IBTK: variants seen among roughly 807,000 people sequenced by gnomAD.
The protein encoded by IBTK is BTK-binding protein.
Under a neutral mutation model 154.9 loss-of-function variants are expected in IBTK, and 83 were observed. The ratio of observed to expected loss-of-function variants is 0.54; its 90% CI spans 0.45 to 0.64. The LOEUF (loss-of-function observed/expected upper bound fraction) is 0.64, where lower values mean the gene tolerates loss of function less well. Among genes scored for constraint, IBTK ranks in the 30% least tolerant of loss-of-function variants. IBTK has a pLI of 0.00. For synonymous variants in IBTK, 515 were observed against 536.1 expected, an observed-to-expected ratio of 0.96 and a Z score of 0.54; for missense variants, 1,332 against 1,584.6, an observed-to-expected ratio of 0.84 and a Z score of 2.71.
chr6:82,187,256 T>C (rs576657847), intron 25 of IBTK, among the ~76,000 whole-genome samples: 1 of 152,244 alleles, frequency 6.6e-6, no homozygotes, highest in Non-Finnish European at 1.5e-5. Context: ...ATAACCTATG[T>C]TTTTGGTCAA....
At chr6:82,223,665 A>C (rs775705688) in intron 7 of IBTK, 45 bp from the exon 8 acceptor site, 1 of 1,542,022 alleles carries the variant, frequency 6.5e-7, no homozygotes, top group African/African-American at 1.4e-5. Context: ...AGCTCTTTTA[A>C]GAGTCCTATT....
intron 25 of IBTK, chr6:82,189,041 A>C (rs184557021): frequency 4.4e-5 from 20 of 449,924 alleles, no homozygotes; most frequent in Non-Finnish European, 8.9e-5. Flanking sequence ...AAAAAAAAGA[A>C]GAAAAAGTAA....
At chr6:82,247,020 T>C (rs182948891) in intron 1 of IBTK, among the ~76,000 whole-genome samples, 2 of 152,278 alleles carry the variant, frequency 1.3e-5, no homozygotes, top group East Asian at 3.9e-4. Context: ...CAGCTCTGCC[T>C]GTTACAAAAA....
At chr6:82,228,096 GCT>G (rs2127822530) in intron 4 of IBTK, among the ~76,000 whole-genome samples, 1 of 151,944 alleles carries the variant, frequency 6.6e-6, no homozygotes, top group African/African-American at 2.4e-5. Flanking sequence ...TATTTTCCAA[GCT>G]CTGATATTCA....
intron 17 of IBTK, 98 bp downstream of exon 17, chr6:82,204,759 G>A: frequency 1.7e-6 from 1 of 577,576 alleles, no homozygotes; most frequent in Non-Finnish European, 2.8e-6. Context: ...CCAAAAAAAT[G>A]GTCTATTTTA....
At chr6:82,179,205 A>C (rs1768224818) in intron 26 of IBTK, among the ~76,000 whole-genome samples, 1 of 152,208 alleles carries the variant, frequency 6.6e-6, no homozygotes, top group South Asian at 2.1e-4. Context: ...CTAACAGTAG[A>C]CTGAATATTT....
At chr6:82,176,212 GT>G (rs1180368567) in intron 26 of IBTK, among the ~76,000 whole-genome samples, 1 of 151,754 alleles carries the variant, frequency 6.6e-6, no homozygotes, top group Non-Finnish European at 1.5e-5. Flanking sequence ...CTCACAAGTA[GT>G]TTTTTTCACT....
In IBTK at chr6:82,220,669, T is replaced by C; in HGVS notation, c.1169A>G (p.Glu390Gly). The change falls in exon 9 of 29, where the codon GAA becomes GGA. Residue 390 changes from glutamate (E) to glycine (G), a missense_variant. This residue lies in a region of IBTK where 1,134 missense variants were observed against 1,274.7 expected (regional missense o/e 0.89). Coordinates refer to ENST00000306270, the MANE Select transcript of IBTK (RefSeq NM_015525.4). The stretch of plus-strand genomic sequence containing the variant: ...CAAATGTTCAGGATCAACCTTGTAT[T>C]CCATATGACCCCCAGACACAAGAAC... The part of the protein sequence containing the change: ...KKVLVSGGHM[E>G]YKVDPEHLKE... 1.2e-6 allele frequency: 2 copies of C among 1,610,584 alleles called. No homozygotes were observed. Among genetic ancestry groups the C allele is most frequent in the Non-Finnish European group, 8.5e-7 (1 of 1,178,750 alleles).
In IBTK at chr6:82,214,462, G is replaced by C; in HGVS notation, c.1969C>G (p.Pro657Ala). The change falls in exon 12 of 29, where the codon CCA (proline) becomes GCA (alanine). Residue 657 changes from proline (P) to alanine (A), a missense_variant. Pro to Ala is a conservative substitution (Grantham distance 27, BLOSUM62 -1). Around this residue, in one of 3 missense-constraint regions of IBTK, gnomAD observed 1,134 missense variants for 1,274.7 expected, o/e 0.89. Coordinates refer to ENST00000306270, the MANE Select transcript of IBTK (RefSeq NM_015525.4). Reference sequence around the variant, plus strand: ...TTCAGAGTTCCCTGATATTCTTCTGGGTTTTTGTTTAAGTGTATTCTTGGT... The same window carrying C: ...TTCAGAGTTCCCTGATATTCTTCTGCGTTTTTGTTTAAGTGTATTCTTGGT... ...FKPRIHLNKN[P>A]EEYQGTLNSH... 1.2e-6 allele frequency: 2 copies of C among 1,613,900 alleles called. No homozygotes were observed. Among genetic ancestry groups the C allele is most frequent in the South Asian group, 1.1e-5 (1 of 91,056 alleles).
At chr6:82,200,750 G>A in intron 19 of IBTK, 42 bp from the exon 20 acceptor site, 1 of 488,270 alleles carries the variant, frequency 2.0e-6, no homozygotes, top group South Asian at 2.3e-5. Flanking sequence ...CAAAATCTGT[G>A]AAGTTTTTTT....
At chr6:82,231,642 A>C in intron 4 of IBTK, 76 bp downstream of exon 4, 1 of 1,114,952 alleles carries the variant, frequency 9.0e-7, no homozygotes, top group African/African-American at 1.6e-5. Context: ...TATGTAATCC[A>C]CATGAAAAGC....
intron 26 of IBTK, among the ~76,000 whole-genome samples, chr6:82,176,778 G>A (rs1204331385): frequency 6.6e-6 from 1 of 151,936 alleles, no homozygotes; most frequent in Non-Finnish European, 1.5e-5. Flanking sequence ...TATAATTTGT[G>A]GAATTTCCTG....
At position 82,196,757 on chromosome 6, in the gene IBTK, C is replaced by T. The variant is rs114153434; in HGVS notation, c.3026-311G>A. On this transcript the variant is annotated intron_variant, in intron 21 of 28. Transcript: ENST00000306270. ...AAAAGTGATTTAAAATATTTTTGTC[C>T]GCATAAGAGACAAAGGAGAAAGGGA... Among the ~76,000 whole-genome samples the T allele has an allele frequency of 1.7e-3, 262 of 152,222 alleles. 3 individuals are homozygous for T. Among genetic ancestry groups the T allele is most frequent in the African/African-American group, 5.8e-3 (241 of 41,542 alleles).
At chr6:82,183,930 G>T (rs552784090) in intron 25 of IBTK, among the ~76,000 whole-genome samples, 9 of 152,156 alleles carry the variant, frequency 5.9e-5, no homozygotes, top group Non-Finnish European at 1.2e-4. Context: ...ACTATGCTAT[G>T]AAGCAGGAAC....
At chr6:82,247,390 C>T (rs1040500374) in intron 1 of IBTK, among the ~76,000 whole-genome samples, 172 bp downstream of exon 1, 2 of 152,256 alleles carry the variant, frequency 1.3e-5, no homozygotes, top group African/African-American at 4.8e-5. Context: ...CCTCTCCGCG[C>T]CGCCTCGCGC....
In IBTK at chr6:82,201,459, C is replaced by T. The variant is rs1769207621; in HGVS notation, c.2753G>A (p.Gly918Asp). The change falls in exon 19 of 29, where the codon GGT (glycine) becomes GAT (aspartate). Residue 918 changes from glycine (G) to aspartate (D), a missense_variant. This residue lies in a region of IBTK where 1,134 missense variants were observed against 1,274.7 expected (regional missense o/e 0.89). Transcript: ENST00000306270. ...EARSLDVLSD[G>D]VLKDLSEFYR... The stretch of plus-strand genomic sequence containing the variant: ...AAACTCAGAAAGATCCTTCAAAACA[C>T]CATCGCTTAAAACATCAAGAGACCT... 3 of 1,608,324 alleles carry T rather than the reference C, an allele frequency of 1.9e-6. No homozygotes were observed. Among genetic ancestry groups the T allele is most frequent in the Non-Finnish European group, 2.5e-6 (3 of 1,177,112 alleles).
intron 3 of IBTK, among the ~76,000 whole-genome samples, chr6:82,233,673 C>T (rs1326668479): frequency 2.7e-5 from 4 of 148,728 alleles, no homozygotes; most frequent in African/African-American, 9.9e-5. Context: ...TTAAAATTTT[C>T]TAAGCTAAGC....
Position 82,234,162 on chromosome 6 carries a change from T to C in IBTK, c.415A>G (p.Thr139Ala). Residue 139 changes from threonine to alanine, a missense_variant, in exon 3 of 29, where the codon ACT becomes GCT. Around this residue, in one of 3 missense-constraint regions of IBTK, gnomAD observed 114 missense variants for 213.7 expected, o/e 0.53. Transcript: ENST00000306270. ...DRPTHVVFKN[T>A]DPTDVYTWGD... ...CCCATTTGTGAAATTTTCTTACCAG[T>C]ATTCTTGAATACTACATGAGTTGGT... The C allele has an allele frequency of 3.2e-6, 5 of 1,552,888 alleles. No individual in the cohort carries two copies. Among genetic ancestry groups the C allele is most frequent in the Non-Finnish European group, 4.4e-6 (5 of 1,130,890 alleles).
intron 8 of IBTK, among the ~76,000 whole-genome samples, chr6:82,220,937 TACACACAC>T (rs57358110): frequency 1.5e-3 from 191 of 130,158 alleles, no homozygotes; most frequent in African/African-American, 2.7e-3. Context: ...TGACTTTACC[TACACACAC>T]ACACACACAC....
Sources: allele counts gnomAD v4.1 joint callset (sites outside exome capture counted in the v4.1 genomes callset), GRCh38; gene constraint gnomAD v4.1.1; regional missense constraint gnomAD v4.1.1; transcripts MANE v1.5; gene names NCBI Gene and HGNC (gene_info 2026-07-23, HGNC 2026-07-21).